The following AFF3 variants were observed in gnomAD, a reference collection of about 807,000 sequenced individuals.
The protein encoded by AFF3 is ALF transcription elongation factor 3.
Under a neutral mutation model 129.7 loss-of-function variants are expected in AFF3, and 32 were observed. That is an observed-to-expected ratio of 0.25 (90% CI 0.19 to 0.33). The LOEUF (loss-of-function observed/expected upper bound fraction) is 0.33, where lower values mean the gene tolerates loss of function less well. Among genes scored for constraint, AFF3 ranks in the 10% least tolerant of loss-of-function variants. The probability of loss-of-function intolerance (pLI) is 1.00; values close to 1 mark genes in which losing one functional copy is unlikely to be tolerated. For missense variants in AFF3, 1,373 were observed against 1,592.0 expected, an observed-to-expected ratio of 0.86 and a Z score of 2.34; for synonymous variants, 644 against 635.4, an observed-to-expected ratio of 1.01 and a Z score of -0.20.
At chr2:99,832,532 T>C (rs926721531) in intron 8 of AFF3, among the ~76,000 whole-genome samples, 1 of 152,232 alleles carries the variant, frequency 6.6e-6, no homozygotes, top group Non-Finnish European at 1.5e-5. Context: ...AGGGTGCCCT[T>C]AGCAGGTAGA....
intron 11 of AFF3, among the ~76,000 whole-genome samples, chr2:99,722,747 T>C (rs752588111): frequency 7.9e-5 from 12 of 152,226 alleles, no homozygotes; most frequent in Non-Finnish European, 1.3e-4. Context: ...TTGATGGAAA[T>C]TTATATACAG....
At chr2:99,848,999 G>A (rs911652152) in intron 7 of AFF3, among the ~76,000 whole-genome samples, 6 of 152,128 alleles carry the variant, frequency 3.9e-5, no homozygotes, top group Admixed American at 2.0e-4. Flanking sequence ...GGACTTGGAA[G>A]ATGTGCCAGG....
intron 11 of AFF3, among the ~76,000 whole-genome samples, chr2:99,705,290 T>C (rs1475381318): frequency 6.6e-6 from 1 of 152,086 alleles, no homozygotes; most frequent in Non-Finnish European, 1.5e-5. Context: ...CAATGGTTGA[T>C]GGATTTGCCT....
chr2:100,063,021 C>A (rs970631661), intron 4 of AFF3, among the ~76,000 whole-genome samples: 2 of 151,970 alleles, frequency 1.3e-5, no homozygotes, highest in Admixed American at 1.3e-4. Flanking sequence ...GAGGCCAAGG[C>A]GGGTGGATCA....
intron 2 of AFF3, among the ~76,000 whole-genome samples, chr2:100,110,501 C>T (rs887586604): frequency 6.6e-6 from 1 of 152,210 alleles, no homozygotes; most frequent in South Asian, 2.1e-4. Flanking sequence ...CCCATGCAGC[C>T]CTCGGAGGAA....
intron 7 of AFF3, among the ~76,000 whole-genome samples, chr2:99,880,416 C>G (rs1214230744): frequency 6.6e-6 from 1 of 152,134 alleles, no homozygotes; most frequent in Non-Finnish European, 1.5e-5. Context: ...AAAGACCAAA[C>G]AGACACCTGA....
At chr2:99,876,582 CAT>C (rs1275167962) in intron 7 of AFF3, among the ~76,000 whole-genome samples, 1 of 152,158 alleles carries the variant, frequency 6.6e-6, no homozygotes, top group African/African-American at 2.4e-5. Context: ...CCACTCTTTA[CAT>C]AGAACCCAGA....
In AFF3 at chr2:99,734,652, A is replaced by G. The variant is rs190536587; in HGVS notation, c.1040-7524T>C. On this transcript the variant is annotated intron_variant, in intron 10 of 24. Coordinates refer to ENST00000672756, the MANE Select transcript of AFF3 (RefSeq NM_001386135.1). ...ATCCTATTTTTCTTTTAATATTTTA[A>G]TATAATTAATCATGTTAATATTATA... 6.6e-5 allele frequency among the ~76,000 whole-genome samples: 10 copies of G among 152,052 alleles called. No individual in the cohort carries two copies. In the East Asian group the frequency reaches 1.9e-3, roughly 29 times the overall value.
At chr2:99,803,968 C>T (rs1686150798) in intron 8 of AFF3, among the ~76,000 whole-genome samples, 1 of 152,024 alleles carries the variant, frequency 6.6e-6, no homozygotes, top group African/African-American at 2.4e-5. Context: ...AGAACTGAAA[C>T]CAGAAAAAAA....
At chr2:99,968,658 G>A (rs1019660299) in intron 7 of AFF3, among the ~76,000 whole-genome samples, 2 of 152,092 alleles carry the variant, frequency 1.3e-5, no homozygotes, top group African/African-American at 2.4e-5. Flanking sequence ...AAGAAACAAG[G>A]AGCAGGAGTG....
chr2:99,983,923 CA>C (rs774799022), intron 7 of AFF3, among the ~76,000 whole-genome samples: 17 of 151,426 alleles, frequency 1.1e-4, no homozygotes, highest in Non-Finnish European at 2.2e-4. Flanking sequence ...AAAGCAACTT[CA>C]AAAAGGTTTT....
chr2:99,841,026 CAATT>C (rs775178431), intron 7 of AFF3, among the ~76,000 whole-genome samples: 1 of 152,168 alleles, frequency 6.6e-6, no homozygotes, highest in Admixed American at 6.5e-5. Flanking sequence ...TACCACAAAA[CAATT>C]AATCAAGAAA....
intron 11 of AFF3, among the ~76,000 whole-genome samples, chr2:99,719,834 G>T (rs1275074774): frequency 1.3e-5 from 2 of 152,136 alleles, no homozygotes; most frequent in African/African-American, 4.8e-5. Context: ...TGGATCACAA[G>T]GTCAGGAGAT....
At chr2:99,847,998 G>A (rs1257715411) in intron 7 of AFF3, among the ~76,000 whole-genome samples, 1 of 152,134 alleles carries the variant, frequency 6.6e-6, no homozygotes, top group African/African-American at 2.4e-5. Context: ...ATAGACATCA[G>A]AGGCTGGGTG....
In AFF3 at chr2:99,820,107, T is replaced by C. The variant is rs1558881696; in HGVS notation, c.921+17370A>G. 3.3e-5 allele frequency among the ~76,000 whole-genome samples: 5 copies of C among 152,202 alleles called. No individual in the cohort carries two copies. The South Asian group carries it at 1.0e-3, about 32-fold the overall frequency. On this transcript the variant is annotated intron_variant, in intron 8 of 24. Coordinates refer to ENST00000672756, the MANE Select transcript of AFF3 (RefSeq NM_001386135.1). ...GAACTATCAAAGGCACAGTCATGCA[T>C]CGCTTGACAACAGGGATTCATTCTG...
chr2:99,581,498 CATCTTTCTT>C (rs1245554137), intron 17 of AFF3, among the ~76,000 whole-genome samples: 3 of 151,806 alleles, frequency 2.0e-5, no homozygotes, highest in African/African-American at 7.3e-5. Flanking sequence ...TCATCTTTCT[CATCTTTCTT>C]TGCAGAATCC....
At chr2:100,043,650 C>T (rs1489449733) in intron 4 of AFF3, among the ~76,000 whole-genome samples, 2 of 151,964 alleles carry the variant, frequency 1.3e-5, no homozygotes, top group Non-Finnish European at 2.9e-5. Context: ...TTTTTTTAAC[C>T]AATACATATA....
At position 99,649,993 on chromosome 2, in the gene AFF3, C is replaced by A. The variant is rs556702916; in HGVS notation, c.1144-327G>T. On this transcript the variant is annotated intron_variant, in intron 12 of 24. Transcript: ENST00000672756. Reference sequence around the variant, plus strand: ...AAGACCAGAGCTACTTCTCTGAAATCACTTTCCCATTGCTTTATTGTCCTT... The same window carrying A: ...AAGACCAGAGCTACTTCTCTGAAATAACTTTCCCATTGCTTTATTGTCCTT... Among the ~76,000 whole-genome samples, 4 of 152,306 alleles carry A rather than the reference C, an allele frequency of 2.6e-5. No individual in the cohort carries two copies. In the East Asian group the frequency reaches 7.7e-4, roughly 29 times the overall value.
At chr2:99,967,294 C>T (rs573936482) in intron 7 of AFF3, among the ~76,000 whole-genome samples, 28 of 151,892 alleles carry the variant, frequency 1.8e-4, no homozygotes, top group African/African-American at 6.5e-4. Flanking sequence ...ACCACCCCCC[C>T]GCCCCCAAGC....
Sources: allele counts gnomAD v4.1 joint callset (sites outside exome capture counted in the v4.1 genomes callset), GRCh38; gene constraint gnomAD v4.1.1; transcripts MANE v1.5; gene names NCBI Gene and HGNC (gene_info 2026-07-23, HGNC 2026-07-21).